ZSCAN5B: variants seen among roughly 807,000 people sequenced by gnomAD.
ZSCAN5B encodes zinc finger and SCAN domain containing 5B, also known as zinc finger and SCAN domain-containing protein 5B.
A neutral mutation model predicts 25.2 loss-of-function variants in ZSCAN5B; 26 were observed. The ratio of observed to expected loss-of-function variants is 1.03; its 90% confidence interval spans 0.76 to 1.43. The LOEUF (loss-of-function observed/expected upper bound fraction) is 1.43. Among genes scored for constraint, ZSCAN5B ranks in the 40% most tolerant of loss-of-function variants. The pLI is 0.00. For synonymous variants in ZSCAN5B, 244 were observed against 240.9 expected (o/e 1.01, Z -0.12); for missense variants, 745 against 622.1 (o/e 1.20, Z -2.10).
intron 1 of ZSCAN5B, among the ~76,000 whole-genome samples, chr19:56,193,717 C>A (rs1488454150): frequency 1.3e-5 from 2 of 152,148 alleles, no homozygotes; most frequent in Non-Finnish European, 2.9e-5. Context: ...AATCCCAGCA[C>A]TTTGGGAGGC....
At chr19:56,192,169 C>A (rs1385204684) in intron 2 of ZSCAN5B, 116 bp from the exon 3 acceptor site, 10 of 1,012,546 alleles carry the variant, frequency 9.9e-6, no homozygotes, top group Middle Eastern at 5.7e-4. Flanking sequence ...AATCTACCTT[C>A]CTGATGCAGA....
intron 1 of ZSCAN5B, 35 bp downstream of exon 1, chr19:56,197,699 C>G (rs886895511): frequency 1.0e-6 from 1 of 981,606 alleles, no homozygotes; most frequent in African/African-American, 1.8e-5. Flanking sequence ...CATGCCAGCT[C>G]CGAAACCCCA....
At chr19:56,196,439 C>T (rs141433199) in intron 1 of ZSCAN5B, among the ~76,000 whole-genome samples, 69 of 152,138 alleles carry the variant, frequency 4.5e-4, no homozygotes, top group African/African-American at 1.6e-3. Flanking sequence ...AGCAATGTAC[C>T]GTATACTTGG....
At chr19:56,192,531 T>C (rs1316107150) in intron 2 of ZSCAN5B, 138 bp downstream of exon 2, 1 of 1,425,492 alleles carries the variant, frequency 7.0e-7, no homozygotes, top group Non-Finnish European at 9.4e-7. Flanking sequence ...AGTGTGTGGG[T>C]TCCTGTATCC....
intron 1 of ZSCAN5B, among the ~76,000 whole-genome samples, chr19:56,194,772 A>C (rs532481023): frequency 5.3e-5 from 8 of 152,116 alleles, no homozygotes; most frequent in African/African-American, 1.9e-4. Context: ...CCGCCCAGCT[A>C]ATTTTTATAT....
intron 2 of ZSCAN5B, among the ~76,000 whole-genome samples, chr19:56,192,309 A>C (rs2122198783): frequency 6.6e-6 from 1 of 152,290 alleles, no homozygotes; most frequent in South Asian, 2.1e-4. Flanking sequence ...GGGTGAATCC[A>C]ACTCAATTGG....
rs371555338 is a variant in ZSCAN5B at position 56,190,184 on chromosome 19, G to A, written c.1131C>T (p.His377=). 5 of 1,613,938 alleles carry A rather than the reference G, an allele frequency of 3.1e-6. No homozygotes were observed. In the African/African-American group the frequency reaches 6.7e-5, roughly 22 times the overall value. The change falls in exon 5 of 5, where the codon CAC becomes CAT. Residue 377 remains histidine, a synonymous_variant. Transcript: ENST00000586855. ...CACATTGAAAGGGTCTGTCTCCTGT[G>A]TGTGACCTCCTGTGGATGCTTAGCT...
intron 1 of ZSCAN5B, among the ~76,000 whole-genome samples, chr19:56,196,120 G>A (rs1035631665): frequency 6.6e-6 from 1 of 152,122 alleles, no homozygotes; most frequent in Non-Finnish European, 1.5e-5. Context: ...TGGCCGATCT[G>A]GGCTCACTGC....
chr19:56,190,222 T>TA lies in ZSCAN5B; in HGVS notation c.1092dup (p.Lys365Ter), dbSNP rs1244092259. 3 of 1,614,098 alleles carry TA rather than the reference T, an allele frequency of 1.9e-6. No individual in the cohort carries two copies. Among genetic ancestry groups the TA allele is most frequent in the East Asian group, 2.2e-5 (1 of 44,876 alleles). Reference sequence around the variant, plus strand: ...TGGATGCTTAGCTGGGAAAAATACTTAAATGATTTATTGCACACGTCACAT... The same window carrying TA: ...TGGATGCTTAGCTGGGAAAAATACTTAAAATGATTTATTGCACACGTCACAT... On this transcript the variant is annotated frameshift_variant, in exon 5 of 5. Coordinates refer to ENST00000586855, the Ensembl canonical transcript of ZSCAN5B. LOFTEE classifies it low-confidence loss of function (END_TRUNC).
Position 56,192,935 on chromosome 19 carries a change from G to C in ZSCAN5B, c.118C>G (p.Pro40Ala), listed in dbSNP as rs761588691. 4 of 1,613,766 alleles carry C rather than the reference G, an allele frequency of 2.5e-6. No individual in the cohort carries two copies. In the Admixed American group the frequency reaches 6.7e-5, roughly 27 times the overall value. ...CTGAAATTCATGTGCCAAGTCTCAG[G>C]GTTCCTGTCGTGATTTCCAAGTTGA... The change falls in exon 2 of 5, where the codon CCT (proline) becomes GCT (alanine). Residue 40 changes from proline to alanine, a missense_variant. By Grantham distance (27) the Pro-to-Ala change is conservative. Coordinates refer to ENST00000586855, the Ensembl canonical transcript of ZSCAN5B.
At chr19:56,190,787 A>T in intron 4 of ZSCAN5B, 50 bp downstream of exon 4, 4 of 1,582,966 alleles carry the variant, frequency 2.5e-6, no homozygotes, top group Non-Finnish European at 3.4e-6. Flanking sequence ...CCAGCCCCGC[A>T]CCCCAGAAGA....
At chr19:56,194,495 C>T (rs910134771) in intron 1 of ZSCAN5B, among the ~76,000 whole-genome samples, 1 of 152,158 alleles carries the variant, frequency 6.6e-6, no homozygotes, top group Non-Finnish European at 1.5e-5. Flanking sequence ...GGGGTTTCGC[C>T]ATGTTGCCCA....
intron 1 of ZSCAN5B, among the ~76,000 whole-genome samples, chr19:56,196,879 C>T (rs2032817177): frequency 6.6e-6 from 1 of 152,180 alleles, no homozygotes; most frequent in African/African-American, 2.4e-5. Flanking sequence ...CCTAAGCGCC[C>T]CTGCTCAGAA....
At position 56,190,576 on chromosome 19, in the gene ZSCAN5B, C is replaced by G. The variant is rs546502259; in HGVS notation, c.740-1G>C. Reference sequence around the variant, plus strand: ...TTCCCCTCCTTTGCTCTCACCAGATCTGGTGGAAGAAGGGATTCCACACAC... The same window carrying G: ...TTCCCCTCCTTTGCTCTCACCAGATGTGGTGGAAGAAGGGATTCCACACAC... On this transcript the variant is annotated splice_acceptor_variant, in intron 4 of 4. Transcript: ENST00000586855. LOFTEE classifies it high-confidence loss of function. 2 of 1,610,074 alleles carry G rather than the reference C, an allele frequency of 1.2e-6. No individual in the cohort carries two copies. Among genetic ancestry groups the G allele is most frequent in the South Asian group, 2.2e-5 (2 of 90,922 alleles).
intron 1 of ZSCAN5B, among the ~76,000 whole-genome samples, chr19:56,193,956 CAA>C (rs34181873): frequency 0.41 from 50,405 of 123,578 alleles, 9,072 homozygotes; most frequent in Middle Eastern, 0.56. Flanking sequence ...GACTCCATCT[CAA>C]AAAAAAAAAA....
In ZSCAN5B at chr19:56,190,346, G is replaced by C. The variant is rs758536407; in HGVS notation, c.969C>G (p.Ser323=). 11 of 1,614,144 alleles carry C rather than the reference G, an allele frequency of 6.8e-6. No homozygotes were observed. In the South Asian group the frequency reaches 1.2e-4, roughly 18 times the overall value. The change falls in exon 5 of 5, where the codon TCC becomes TCG. Residue 323 remains serine, a synonymous_variant. Transcript: ENST00000586855. Reference sequence around the variant, plus strand: ...CTGGATTGATCTCAGCTTGTCCTGGGGATTCTCTGTTGCCCACAGGTGTGG... The same window carrying C: ...CTGGATTGATCTCAGCTTGTCCTGGCGATTCTCTGTTGCCCACAGGTGTGG...
exon 5 of ZSCAN5B, chr19:56,190,201 T>A: frequency 1.2e-6 from 2 of 1,614,080 alleles, no homozygotes; most frequent in Non-Finnish European, 1.7e-6. Context: ...CTCCTGTGGA[T>A]GCTTAGCTGG....
exon 2 of ZSCAN5B, chr19:56,192,678 G>A (rs1178850067): frequency 6.3e-7 from 1 of 1,591,628 alleles, no homozygotes; most frequent in Non-Finnish European, 8.6e-7. Flanking sequence ...CCCATTTCTT[G>A]GGTCTTCTGT....
rs375504592 is a variant in ZSCAN5B at position 56,190,061 on chromosome 19, C to G, written c.1254G>C (p.Lys418Asn). The change falls in exon 5 of 5, where the codon AAG becomes AAC. Residue 418 changes from lysine (K) to asparagine (N), a missense_variant. Physicochemically the swap from Lys to Asn is moderately conservative, Grantham distance 94. Coordinates refer to ENST00000586855, the Ensembl canonical transcript of ZSCAN5B. ...GTAAGGTGGACTCGTGGGCGAACCGCTTTTGGCAGACGTCACACATGTAGG... is the reference window on the plus strand; with the variant it reads ...GTAAGGTGGACTCGTGGGCGAACCGGTTTTGGCAGACGTCACACATGTAGG... 12 of 1,614,002 alleles carry G rather than the reference C, an allele frequency of 7.4e-6. No homozygotes were observed. In the Admixed American group the frequency reaches 1.5e-4, roughly 20 times the overall value.
Sources: gnomAD v4.1 joint callset for allele counts (sites outside exome capture counted in the v4.1 genomes callset) on GRCh38, gnomAD v4.1.1 for gene constraint, MANE v1.5 for transcripts, NCBI Gene and HGNC (gene_info 2026-07-23, HGNC 2026-07-21) for gene names.